Variants in GALNT13 observed in about 807,000 individuals in gnomAD.
GALNT13 encodes polypeptide N-acetylgalactosaminyltransferase 13.
In GALNT13, 28 loss-of-function variants were observed where a neutral mutation model predicts 64.2. The ratio of observed to expected loss-of-function variants is 0.44; its 90% CI spans 0.32 to 0.60. The LOEUF is 0.60. GALNT13 is among the 20% of genes least tolerant of loss of function. The pLI, the probability that GALNT13 is intolerant of heterozygous loss-of-function variation, is 0.05. For missense variants in GALNT13, 577 were observed against 669.8 expected, an observed-to-expected ratio of 0.86 and a Z score of 1.53; for synonymous variants, 214 against 224.6, an observed-to-expected ratio of 0.95 and a Z score of 0.42.
At chr2:154,381,121 CA>C (rs1240294205) in intron 9 of GALNT13, among the ~76,000 whole-genome samples, 1 of 152,048 alleles carries the variant, frequency 6.6e-6, no homozygotes, top group African/African-American at 2.4e-5. Context: ...GGCAAGGGGT[CA>C]CACCTAGACA....
chr2:153,599,501 AGTGCAAATTTT>A, the GALNT13 span, among the ~76,000 whole-genome samples: 1 of 151,952 alleles, frequency 6.6e-6, no homozygotes, highest in Admixed American at 6.6e-5. Context: ...GTATGGGGTA[AGTGCAAATTTT>A]GTCCATTGTA....
chr2:153,667,743 AAC>A, the GALNT13 span, among the ~76,000 whole-genome samples: 1 of 152,216 alleles, frequency 6.6e-6, no homozygotes, highest in Non-Finnish European at 1.5e-5. Flanking sequence ...CCCAGCTAAC[AAC>A]ACGATGACAA....
At chr2:153,780,782 T>C in the GALNT13 span, among the ~76,000 whole-genome samples, 1 of 152,190 alleles carries the variant, frequency 6.6e-6, no homozygotes, top group African/African-American at 2.4e-5. Flanking sequence ...AGCAAAAATA[T>C]TGCCTGCTCG....
chr2:154,011,687 T>C (rs953529684), intron 3 of GALNT13, among the ~76,000 whole-genome samples: 1 of 152,196 alleles, frequency 6.6e-6, no homozygotes, highest in Admixed American at 6.5e-5. Flanking sequence ...CTGACTGTTA[T>C]TGTGTGGTTA....
chr2:154,086,342 A>G lies in GALNT13; in HGVS notation c.143-53995A>G, dbSNP rs141483363. On this transcript the variant is annotated intron_variant, in intron 3 of 12. Transcript: ENST00000392825. ...TATATGTTATACATATTATATAGCA[A>G]TTATAGGCATCACACAATTTTCTTT... 3.9e-3 allele frequency among the ~76,000 whole-genome samples: 575 copies of G among 148,202 alleles called. 2 individuals are homozygous for G. Among genetic ancestry groups the G allele is most frequent in the African/African-American group, 0.013 (551 of 40,866 alleles).
intron 3 of GALNT13, among the ~76,000 whole-genome samples, chr2:154,001,219 C>T (rs1005969785): frequency 6.6e-6 from 1 of 151,830 alleles, no homozygotes. Flanking sequence ...CATTTATTTG[C>T]ACCTTTTTAA....
the GALNT13 span, among the ~76,000 whole-genome samples, chr2:153,332,080 T>C: frequency 6.6e-6 from 1 of 152,234 alleles, no homozygotes; most frequent in African/African-American, 2.4e-5. Context: ...GTCTGTTTTT[T>C]TCTTGTTAAT....
At chr2:153,099,873 C>G in the GALNT13 span, among the ~76,000 whole-genome samples, 1 of 152,096 alleles carries the variant, frequency 6.6e-6, no homozygotes, top group African/African-American at 2.4e-5. Context: ...TTGACTGGGG[C>G]TAGGGTTGAG....
the GALNT13 span, among the ~76,000 whole-genome samples, chr2:153,754,773 GTTGTCTAAGC>G: frequency 6.6e-6 from 1 of 152,078 alleles, no homozygotes. Flanking sequence ...TGTAATCCTT[GTTGTCTAAGC>G]TGCCTTTCAA....
chr2:153,761,248 C>G, the GALNT13 span, among the ~76,000 whole-genome samples: 2 of 152,010 alleles, frequency 1.3e-5, no homozygotes, highest in Non-Finnish European at 2.9e-5. Context: ...AGGTAAGAAC[C>G]TACTACTACC....
chr2:153,883,851 T>A (rs1244234589), intron 1 of GALNT13, among the ~76,000 whole-genome samples: 1 of 152,160 alleles, frequency 6.6e-6, no homozygotes, highest in Non-Finnish European at 1.5e-5. Context: ...AATATTTTTA[T>A]ATTAAATATA....
At chr2:153,722,677 T>G in the GALNT13 span, among the ~76,000 whole-genome samples, 3 of 152,200 alleles carry the variant, frequency 2.0e-5, no homozygotes, top group East Asian at 1.9e-4. Context: ...TACAAACACC[T>G]CTGTGCAAAT....
the GALNT13 span, among the ~76,000 whole-genome samples, chr2:153,788,510 CA>C: frequency 2.0e-5 from 3 of 152,000 alleles, no homozygotes; most frequent in Non-Finnish European, 4.4e-5. Flanking sequence ...CTTAAGTACA[CA>C]GACCAGTGAT....
In GALNT13 at chr2:154,242,203, A is replaced by G. The variant is rs1689527357; in HGVS notation, c.478+7A>G. ...GATGATGCCAGTGAAAGAGGTACAA[A>G]CTGGTTTTTTGTTTTTGTTTTTGTT... On this transcript the variant is annotated splice_region_variant and intron_variant, in intron 5 of 12. Coordinates refer to ENST00000392825, the MANE Select transcript of GALNT13 (RefSeq NM_052917.4). 1 of 1,602,344 alleles carries G rather than the reference A, an allele frequency of 6.2e-7. No homozygotes were observed. The highest frequency in any genetic ancestry group is 1.4e-5 in the African/African-American group (1 of 73,936).
chr2:153,232,253 A>C, the GALNT13 span, among the ~76,000 whole-genome samples: 1 of 152,214 alleles, frequency 6.6e-6, no homozygotes, highest in African/African-American at 2.4e-5. Context: ...CAAGGTCAGG[A>C]AACCTAAACC....
At chr2:153,536,794 T>C in the GALNT13 span, among the ~76,000 whole-genome samples, 1 of 152,208 alleles carries the variant, frequency 6.6e-6, no homozygotes, top group Admixed American at 6.5e-5. Flanking sequence ...TGCTAAAGGA[T>C]TTTTGTCCAA....
At chr2:153,841,245 T>G in the GALNT13 span, among the ~76,000 whole-genome samples, 1 of 152,172 alleles carries the variant, frequency 6.6e-6, no homozygotes, top group Admixed American at 6.6e-5. Context: ...CTATAGAAAT[T>G]CATCGTGTTT....
At chr2:153,253,013 A>G in the GALNT13 span, among the ~76,000 whole-genome samples, 1 of 151,622 alleles carries the variant, frequency 6.6e-6, no homozygotes, top group Non-Finnish European at 1.5e-5. Context: ...GAAGAAAGTC[A>G]TTGGTAGCTT....
At chr2:153,728,089 G>A in the GALNT13 span, among the ~76,000 whole-genome samples, 1 of 152,092 alleles carries the variant, frequency 6.6e-6, no homozygotes, top group Admixed American at 6.6e-5. Flanking sequence ...CTTTTTTATG[G>A]CTGCATAGTA....
Sources: gnomAD v4.1 joint callset for allele counts (sites outside exome capture counted in the v4.1 genomes callset) on GRCh38, gnomAD v4.1.1 for gene constraint, MANE v1.5 for transcripts, NCBI Gene and HGNC (gene_info 2026-07-23, HGNC 2026-07-21) for gene names.